The following LRRC40 variants were observed in gnomAD, a reference collection of about 807,000 sequenced individuals.
LRRC40 encodes leucine rich repeat containing 40.
LRRC40 carries 76 observed loss-of-function variants against 72.8 expected under a neutral mutation model. The ratio of observed to expected loss-of-function variants is 1.04; its 90% CI spans 0.87 to 1.26. The LOEUF is 1.26. Ranked by LOEUF, LRRC40 falls within the 50% of genes most tolerant of loss-of-function variation. The pLI is 0.00. For synonymous variants in LRRC40, 243 were observed against 254.2 expected (o/e 0.96, Z 0.42); for missense variants, 684 against 698.9 (o/e 0.98, Z 0.24).
In LRRC40 at chr1:70,159,336, T is replaced by C; in HGVS notation, c.1214A>G (p.Asp405Gly). 1 of 1,367,738 alleles carries C rather than the reference T, an allele frequency of 7.3e-7. No individual in the cohort carries two copies. The highest frequency in any genetic ancestry group is 1.0e-6 in the Non-Finnish European group (1 of 967,498). The allele number at this position is 1,367,738 out of a possible 1,614,324, so 84.7% of individuals were successfully genotyped here. ...ATAATAATAAATTACATACCTATAG[T>C]CTAATATTTTTAATGTAATGATGGC... ...IHAIITLKIL[D>G]YSDKQATLIP... The change falls in exon 10 of 15, where the codon GAC becomes GGC. Residue 405 changes from aspartate (D) to glycine (G), a missense_variant. Transcript: ENST00000370952.
chr1:70,146,319 T>C (rs940489097), intron 14 of LRRC40, among the ~76,000 whole-genome samples: 1 of 152,132 alleles, frequency 6.6e-6, no homozygotes, highest in Admixed American at 6.5e-5. Context: ...ACCACCATGC[T>C]TGAGCTATTT....
chr1:70,169,365 T>G (rs907101649), intron 9 of LRRC40, among the ~76,000 whole-genome samples: 1 of 152,200 alleles, frequency 6.6e-6, no homozygotes, highest in African/African-American at 2.4e-5. Context: ...TCTTGGTAAA[T>G]TCTTTAACCA....
chr1:70,147,088 A>G (rs1409530280), intron 14 of LRRC40: 3 of 152,174 alleles, frequency 2.0e-5, no homozygotes, highest in Non-Finnish European at 4.4e-5. Context: ...AAACTTGCCT[A>G]CTCACTAAAG....
chr1:70,164,094 G>C (rs1160938099), intron 9 of LRRC40, among the ~76,000 whole-genome samples: 1 of 151,892 alleles, frequency 6.6e-6, no homozygotes. Flanking sequence ...TTTTATAAGA[G>C]TGCCAATCCG....
intron 2 of LRRC40, 26 bp downstream of exon 2, chr1:70,189,066 T>A: frequency 3.2e-6 from 5 of 1,577,926 alleles, no homozygotes; most frequent in Non-Finnish European, 4.3e-6. Context: ...CAATTAATAA[T>A]CCATATTTAT....
chr1:70,204,783 C>A (rs1258357327), intron 1 of LRRC40, among the ~76,000 whole-genome samples: 1 of 151,262 alleles, frequency 6.6e-6, no homozygotes, highest in Non-Finnish European at 1.5e-5. Flanking sequence ...AGCATCTGGC[C>A]ATTCATTCAT....
chr1:70,196,834 T>C (rs1003499016), intron 1 of LRRC40, among the ~76,000 whole-genome samples: 1 of 152,186 alleles, frequency 6.6e-6, no homozygotes, highest in African/African-American at 2.4e-5. Context: ...TGGTATATAT[T>C]TGTCAAAAGT....
intron 9 of LRRC40, among the ~76,000 whole-genome samples, chr1:70,173,205 T>C (rs1668034530): frequency 6.6e-6 from 1 of 152,054 alleles, no homozygotes; most frequent in African/African-American, 2.4e-5. Context: ...GCTTACTGAA[T>C]CTTTTTTGTT....
intron 9 of LRRC40, among the ~76,000 whole-genome samples, chr1:70,168,135 C>T (rs1461499445): frequency 1.3e-5 from 2 of 152,152 alleles, no homozygotes; most frequent in Non-Finnish European, 2.9e-5. Flanking sequence ...TATCTCCCAG[C>T]CAGAGGGCTT....
chr1:70,184,177 A>T (rs1668310547), intron 4 of LRRC40, among the ~76,000 whole-genome samples: 1 of 151,998 alleles, frequency 6.6e-6, no homozygotes, highest in Non-Finnish European at 1.5e-5. Flanking sequence ...TGAACCTGGG[A>T]GGTGGAGGTT....
At chr1:70,200,339 G>T (rs1157391584) in intron 1 of LRRC40, among the ~76,000 whole-genome samples, 1 of 152,020 alleles carries the variant, frequency 6.6e-6, no homozygotes, top group Non-Finnish European at 1.5e-5. Flanking sequence ...AGTGGTGCAT[G>T]CCTGTGGTCC....
intron 9 of LRRC40, among the ~76,000 whole-genome samples, chr1:70,173,136 A>G (rs1472693097): frequency 6.6e-6 from 1 of 152,080 alleles, no homozygotes; most frequent in Middle Eastern, 3.2e-3. Context: ...TCTAGTCAAT[A>G]GAACCCATAT....
rs1270250188 is a variant in LRRC40 at position 70,174,194 on chromosome 1, A to G, written c.978-485T>C. On this transcript the variant is annotated intron_variant, in intron 7 of 14. Transcript: ENST00000370952. ...CTGGCACATTTTAAAAACCATTCAT[A>G]CATAAAAATTCAATATCAATAAAAT... Among the ~76,000 whole-genome samples, 4 of 152,222 alleles carry G rather than the reference A, an allele frequency of 2.6e-5. No homozygotes were observed. The East Asian group carries it at 7.7e-4, about 29-fold the overall frequency.
chr1:70,164,088 A>G (rs936226076), intron 9 of LRRC40, among the ~76,000 whole-genome samples: 8 of 152,170 alleles, frequency 5.3e-5, no homozygotes, highest in Non-Finnish European at 1.0e-4. Context: ...CCCTTTTTTT[A>G]TAAGAGTGCC....
chr1:70,184,784 C>T lies in LRRC40; in HGVS notation c.537+1G>A. On this transcript the variant is annotated splice_donor_variant, in intron 4 of 14. Coordinates refer to ENST00000370952, the MANE Select transcript of LRRC40 (RefSeq NM_017768.5). LOFTEE classifies it high-confidence loss of function. ...ACAAAAATTGGAAAATCAGAACTTA[C>T]TAAATCTTCTAAATTGGAAAGTTGT... 1 of 1,598,846 alleles carries T rather than the reference C, an allele frequency of 6.3e-7. No homozygotes were observed. Among genetic ancestry groups the T allele is most frequent in the Admixed American group, 1.8e-5 (1 of 55,990 alleles).
At chr1:70,181,893 CGTT>C (rs1316403601) in intron 4 of LRRC40, among the ~76,000 whole-genome samples, 1 of 151,790 alleles carries the variant, frequency 6.6e-6, no homozygotes, top group African/African-American at 2.4e-5. Context: ...CTTTAAAAGA[CGTT>C]GTTATGAATC....
rs1335438111 is a variant in LRRC40 at position 70,145,697 on chromosome 1, T to C, written c.*103A>G. ...GATACTGGGAAACTACAAGATCAAT[T>C]ACAATAATCACCTTTTAAGATGATA... On this transcript the variant is annotated 3_prime_UTR_variant, in exon 15 of 15. Coordinates refer to ENST00000370952, the MANE Select transcript of LRRC40 (RefSeq NM_017768.5). The C allele has an allele frequency of 1.7e-6, 1 of 584,430 alleles. No individual in the cohort carries two copies. Among genetic ancestry groups the C allele is most frequent in the Non-Finnish European group, 3.0e-6 (1 of 330,220 alleles). The allele number at this position is 584,430 out of a possible 1,614,324, so 36.2% of individuals were successfully genotyped here. A position where few individuals can be genotyped will look rare whatever the true frequency, so the allele number is the denominator to read the frequency against.
intron 2 of LRRC40, 145 bp downstream of exon 2, chr1:70,188,940 CACTTTTA>C: frequency 1.7e-6 from 1 of 578,244 alleles, no homozygotes; most frequent in East Asian, 3.1e-5. Flanking sequence ...TCTGATCCTG[CACTTTTA>C]ACCATTATGC....
intron 11 of LRRC40, among the ~76,000 whole-genome samples, chr1:70,154,131 ATATG>A (rs1667583017): frequency 6.6e-6 from 1 of 152,188 alleles, no homozygotes; most frequent in Admixed American, 6.6e-5. Flanking sequence ...AATTTTATGA[ATATG>A]TATTATTTTT....
Sources: gnomAD v4.1 joint callset for allele counts (sites outside exome capture counted in the v4.1 genomes callset) on GRCh38, gnomAD v4.1.1 for gene constraint, MANE v1.5 for transcripts, NCBI Gene and HGNC (gene_info 2026-07-23, HGNC 2026-07-21) for gene names.